Variants in LRP1B observed in about 807,000 individuals in gnomAD.
The protein encoded by LRP1B is LDL receptor related protein 1B.
In LRP1B, 217 loss-of-function variants were observed where a neutral mutation model predicts 556.6. The ratio of observed to expected loss-of-function variants is 0.39; its 90% CI spans 0.35 to 0.44. The LOEUF is 0.44. LRP1B is among the 20% of genes least tolerant of loss of function. The pLI, the probability that LRP1B is intolerant of heterozygous loss-of-function variation, is 1.00. For synonymous variants in LRP1B, 2,047 were observed against 1,865.8 expected, an observed-to-expected ratio of 1.10 and a Z score of -2.50; for missense variants, 5,053 against 5,620.8, an observed-to-expected ratio of 0.90 and a Z score of 3.23.
intron 1 of LRP1B, among the ~76,000 whole-genome samples, chr2:141,924,594 C>CCTGTGTAACATTTTGTCAT (rs1700285650): frequency 6.6e-6 from 1 of 152,178 alleles, no homozygotes; most frequent in Non-Finnish European, 1.5e-5. Flanking sequence ...CCCCTAGATA[C>CCTGTGTAACATTTTGTCAT]TACCATGAGG....
intron 7 of LRP1B, among the ~76,000 whole-genome samples, chr2:141,148,079 G>A (rs1701830918): frequency 6.6e-6 from 1 of 152,172 alleles, no homozygotes; most frequent in Admixed American, 6.5e-5. Flanking sequence ...GAGTTTCTTA[G>A]AATGTATCCC....
At chr2:141,259,941 T>G (rs1209670784) in intron 3 of LRP1B, among the ~76,000 whole-genome samples, 1 of 152,206 alleles carries the variant, frequency 6.6e-6, no homozygotes, top group African/African-American at 2.4e-5. Context: ...ATCCATTTAG[T>G]ATAACAGAAT....
At chr2:141,903,577 G>A (rs1699680071) in intron 1 of LRP1B, among the ~76,000 whole-genome samples, 1 of 151,764 alleles carries the variant, frequency 6.6e-6, no homozygotes, top group African/African-American at 2.4e-5. Flanking sequence ...TGAATGAGAT[G>A]GAATTTTTAA....
intron 35 of LRP1B, among the ~76,000 whole-genome samples, chr2:140,742,460 A>C (rs976925262): frequency 6.6e-6 from 1 of 152,226 alleles, no homozygotes; most frequent in Non-Finnish European, 1.5e-5. Flanking sequence ...GATATAATTA[A>C]AATATATGTT....
intron 2 of LRP1B, among the ~76,000 whole-genome samples, chr2:141,685,378 G>A (rs10177925): frequency 0.23 from 34,186 of 151,672 alleles, 5,152 homozygotes; most frequent in African/African-American, 0.43. Flanking sequence ...TGTCGTAATT[G>A]GATTGAGATT....
chr2:141,839,729 G>C (rs1239848119), intron 1 of LRP1B, among the ~76,000 whole-genome samples: 6 of 152,120 alleles, frequency 3.9e-5, no homozygotes, highest in Non-Finnish European at 8.8e-5. Flanking sequence ...GAACCTGAAT[G>C]AGACTCTATA....
chr2:141,311,678 A>G (rs114900031), intron 3 of LRP1B, among the ~76,000 whole-genome samples: 1,624 of 152,310 alleles, frequency 0.011, 29 homozygotes, highest in African/African-American at 0.036. Flanking sequence ...GTTGACAGGC[A>G]TCATCTTGCC....
intron 29 of LRP1B, 38 bp from the exon 30 acceptor site, chr2:140,841,130 AGTTT>A: frequency 7.1e-7 from 1 of 1,406,758 alleles, no homozygotes; most frequent in Non-Finnish European, 9.8e-7. Flanking sequence ...AGGTGAATGA[AGTTT>A]TTCATTGTAC....
At chr2:140,859,004 A>G (rs189736587) in intron 27 of LRP1B, among the ~76,000 whole-genome samples, 1 of 152,140 alleles carries the variant, frequency 6.6e-6, no homozygotes, top group Non-Finnish European at 1.5e-5. Flanking sequence ...TTTTTCTGAA[A>G]ATACAGGGTT....
At chr2:142,032,665 C>CT (rs1395923507) in intron 1 of LRP1B, among the ~76,000 whole-genome samples, 18 of 151,790 alleles carry the variant, frequency 1.2e-4, no homozygotes, top group African/African-American at 4.4e-4. Context: ...CTAAAATTAT[C>CT]TTTAGACATA....
At chr2:141,066,378 G>T (rs934124216) in intron 7 of LRP1B, among the ~76,000 whole-genome samples, 1 of 151,888 alleles carries the variant, frequency 6.6e-6, no homozygotes, top group Non-Finnish European at 1.5e-5. Flanking sequence ...GAGTATTATT[G>T]GTAAACTTGC....
chr2:141,518,055 G>T (rs6752726), intron 2 of LRP1B, among the ~76,000 whole-genome samples: 47,343 of 151,866 alleles, frequency 0.31, 8,360 homozygotes, highest in Non-Finnish European at 0.4. Flanking sequence ...CAAAACTGTG[G>T]GAAAGGTAGA....
At chr2:141,066,853 G>T (rs1192258664) in intron 7 of LRP1B, among the ~76,000 whole-genome samples, 1 of 151,722 alleles carries the variant, frequency 6.6e-6, no homozygotes, top group Non-Finnish European at 1.5e-5. Flanking sequence ...TACAAAATGG[G>T]GACTAGCTAA....
chr2:141,943,865 T>C (rs536644218), intron 1 of LRP1B, among the ~76,000 whole-genome samples: 45 of 152,088 alleles, frequency 3.0e-4, no homozygotes, highest in African/African-American at 1.1e-3. Flanking sequence ...CGCAGACACT[T>C]TGAAGGGTGA....
At chr2:140,391,893 T>C (rs1378992998) in intron 66 of LRP1B, among the ~76,000 whole-genome samples, 1 of 152,284 alleles carries the variant, frequency 6.6e-6, no homozygotes, top group Admixed American at 6.5e-5. Context: ...TCATCAATCA[T>C]GCAAGTTTTA....
At chr2:140,370,027 T>A (rs1682925299) in intron 71 of LRP1B, among the ~76,000 whole-genome samples, 1 of 152,092 alleles carries the variant, frequency 6.6e-6, no homozygotes, top group African/African-American at 2.4e-5. Flanking sequence ...TGTGATCATT[T>A]TAAGCTTCAG....
intron 86 of LRP1B, among the ~76,000 whole-genome samples, chr2:140,257,482 G>A (rs967926687): frequency 3.3e-5 from 5 of 152,116 alleles, no homozygotes; most frequent in African/African-American, 4.8e-5. Flanking sequence ...ACACAACTAC[G>A]TAATTGTTCT....
At chr2:140,592,922 A>G (rs1294769183) in intron 43 of LRP1B, among the ~76,000 whole-genome samples, 1 of 136,610 alleles carries the variant, frequency 7.3e-6, no homozygotes, top group Non-Finnish European at 1.6e-5. Flanking sequence ...CCTGGATGAC[A>G]AAGTGAGATC....
At chr2:140,262,458 T>TACAC (rs758964171) in intron 86 of LRP1B, among the ~76,000 whole-genome samples, 11 of 152,172 alleles carry the variant, frequency 7.2e-5, no homozygotes, top group Non-Finnish European at 1.5e-4. Flanking sequence ...GCTAATAGGC[T>TACAC]ACACCAACAG....
Sources: allele counts gnomAD v4.1 joint callset (sites outside exome capture counted in the v4.1 genomes callset), GRCh38; gene constraint gnomAD v4.1.1; transcripts MANE v1.5; gene names NCBI Gene and HGNC (gene_info 2026-07-23, HGNC 2026-07-21).